The following FHIP2A variants were observed in gnomAD, a reference collection of about 807,000 sequenced individuals.
FHIP2A encodes the protein family with sequence similarity 160 member B1.
Under a neutral mutation model 93.5 loss-of-function variants are expected in FHIP2A, and 46 were observed. The ratio of observed to expected loss-of-function variants is 0.49; its 90% CI spans 0.39 to 0.63. FHIP2A has a LOEUF of 0.63. Among genes scored for constraint, FHIP2A ranks in the 20% least tolerant of loss-of-function variants. The pLI, the probability that FHIP2A is intolerant of heterozygous loss-of-function variation, is 0.00. For missense variants in FHIP2A, 769 were observed against 909.7 expected, an observed-to-expected ratio of 0.85 and a Z score of 1.99; for synonymous variants, 332 against 326.5, an observed-to-expected ratio of 1.02 and a Z score of -0.18.
chr10:114,890,785 A>G (rs1566390320), intron 16 of FHIP2A, among the ~76,000 whole-genome samples: 1 of 149,428 alleles, frequency 6.7e-6, no homozygotes, highest in Non-Finnish European at 1.5e-5. Flanking sequence ...TGTATATGAC[A>G]TATATTATAT....
At chr10:114,837,163 C>A (rs761268644) in intron 5 of FHIP2A, among the ~76,000 whole-genome samples, 41 of 152,174 alleles carry the variant, frequency 2.7e-4, no homozygotes, top group Non-Finnish European at 5.1e-4. Context: ...CTCGGCCTCC[C>A]AAAGTTCTGG....
chr10:114,868,612 T>C (rs1369495072), downstream of FHIP2A, among the ~76,000 whole-genome samples: 1 of 152,104 alleles, frequency 6.6e-6, no homozygotes, highest in East Asian at 1.9e-4. Flanking sequence ...CTTCTCTTGA[T>C]TGAAGAACCA....
intron 16 of FHIP2A, among the ~76,000 whole-genome samples, chr10:114,893,029 C>T (rs1230009787): frequency 1.3e-5 from 2 of 152,068 alleles, no homozygotes; most frequent in Non-Finnish European, 2.9e-5. Context: ...TTTTATATAT[C>T]TATATTTCCT....
intron 16 of FHIP2A, among the ~76,000 whole-genome samples, chr10:114,882,951 C>G (rs2083924339): frequency 6.6e-6 from 1 of 151,668 alleles, no homozygotes; most frequent in Non-Finnish European, 1.5e-5. Context: ...AGAAGGATGA[C>G]TAAGGGTTCA....
At chr10:114,832,710 A>ATTTT (rs35892795) in intron 2 of FHIP2A, among the ~76,000 whole-genome samples, 3 of 125,240 alleles carry the variant, frequency 2.4e-5, no homozygotes, top group African/African-American at 9.1e-5. Context: ...TATATTTGAG[A>ATTTT]TTTTTTTTTT....
Position 114,862,186 on chromosome 10 carries a change from CT to C in FHIP2A, c.*650del. 1 of 943,242 alleles carries C rather than the reference CT, an allele frequency of 1.1e-6. No individual in the cohort carries two copies. 58.4% of individuals were successfully genotyped at this position (943,242 alleles called of 1,614,324 possible). On this transcript the variant is annotated 3_prime_UTR_variant, in exon 17 of 17. Coordinates refer to ENST00000369248, the MANE Select transcript of FHIP2A (RefSeq NM_020940.4). ...ATATCTATATTTTTAAAGAAATGTT[CT>C]TTTACTCTTTTGTGCACATAGCCAT... is the stretch of plus-strand genomic sequence containing the variant.
At chr10:114,851,764 T>C (rs1406247328) in intron 13 of FHIP2A, among the ~76,000 whole-genome samples, 1 of 146,018 alleles carries the variant, frequency 6.8e-6, no homozygotes, top group Non-Finnish European at 1.5e-5. Context: ...AAGGCTTACA[T>C]TGAATTTGTA....
chr10:114,884,326 T>C (rs1404419341), intron 16 of FHIP2A, among the ~76,000 whole-genome samples: 1 of 152,238 alleles, frequency 6.6e-6, no homozygotes, highest in Non-Finnish European at 1.5e-5. Context: ...GACTTGTTTC[T>C]ATAACGTTAT....
chr10:114,855,744 A>G (rs1257397127), intron 14 of FHIP2A, among the ~76,000 whole-genome samples: 2 of 152,240 alleles, frequency 1.3e-5, no homozygotes, highest in Non-Finnish European at 2.9e-5. Context: ...CAGTAAAATC[A>G]CAGAATAGTG....
In FHIP2A at chr10:114,822,047, C is replaced by A; in HGVS notation, c.-32C>A. Reference sequence around the variant, plus strand: ...CGGATCGAGGAGCTCTCCAGGTCGTCCCGGGAGAGGCTGCTGCAGTCCCGG... The same window carrying A: ...CGGATCGAGGAGCTCTCCAGGTCGTACCGGGAGAGGCTGCTGCAGTCCCGG... On this transcript the variant is annotated 5_prime_UTR_variant, in exon 1 of 17. Transcript: ENST00000369248. The A allele has an allele frequency of 7.9e-7, 1 of 1,271,666 alleles. No homozygotes were observed. The highest frequency in any genetic ancestry group is 1.0e-6 in the Non-Finnish European group (1 of 986,356). The allele number at this position is 1,271,666 out of a possible 1,614,324, so 78.8% of individuals were successfully genotyped here.
At chr10:114,880,258 G>A (rs2083910346) in intron 16 of FHIP2A, among the ~76,000 whole-genome samples, 1 of 152,182 alleles carries the variant, frequency 6.6e-6, no homozygotes, top group Admixed American at 6.5e-5. Flanking sequence ...TTCTTTTGGC[G>A]ATAATGAAAA....
intron 16 of FHIP2A, among the ~76,000 whole-genome samples, chr10:114,896,029 G>A (rs2083999629): frequency 1.3e-5 from 2 of 152,236 alleles, no homozygotes; most frequent in South Asian, 4.2e-4. Context: ...GCCATTTGGG[G>A]TGACTTGTGC....
chr10:114,848,399 AAAT>A (rs1298003454), intron 12 of FHIP2A, among the ~76,000 whole-genome samples: 1 of 152,190 alleles, frequency 6.6e-6, no homozygotes, highest in African/African-American at 2.4e-5. Context: ...AAAACCTTTA[AAAT>A]AATGAGAATA....
At chr10:114,871,838 C>G (rs912151092) in intron 16 of FHIP2A, among the ~76,000 whole-genome samples, 22 of 152,266 alleles carry the variant, frequency 1.4e-4, no homozygotes, top group African/African-American at 5.3e-4. Context: ...TCCTATCTCC[C>G]TAAATCTATG....
intron 14 of FHIP2A, among the ~76,000 whole-genome samples, chr10:114,855,945 T>C (rs2083764030): frequency 6.6e-6 from 1 of 152,182 alleles, no homozygotes; most frequent in African/African-American, 2.4e-5. Flanking sequence ...CCTCCTTCCA[T>C]CTCTCATTGG....
At chr10:114,890,580 A>T (rs889093770) in intron 16 of FHIP2A, among the ~76,000 whole-genome samples, 2 of 148,090 alleles carry the variant, frequency 1.4e-5, no homozygotes, top group African/African-American at 2.5e-5. Context: ...TATAGTATAT[A>T]AAATATACGC....
downstream of FHIP2A, among the ~76,000 whole-genome samples, chr10:114,869,285 G>GA (rs1316610876): frequency 6.6e-6 from 1 of 152,152 alleles, no homozygotes; most frequent in African/African-American, 2.4e-5. Flanking sequence ...TTCTAGGGGA[G>GA]AAACAAATTA....
intron 2 of FHIP2A, among the ~76,000 whole-genome samples, chr10:114,832,181 C>T (rs1331366719): frequency 6.6e-6 from 1 of 152,090 alleles, no homozygotes; most frequent in African/African-American, 2.4e-5. Flanking sequence ...GTTGATAAAA[C>T]CATGGGATGT....
intron 16 of FHIP2A, among the ~76,000 whole-genome samples, chr10:114,898,764 G>GCACATTTT (rs2084012884): frequency 1.3e-5 from 2 of 152,156 alleles, no homozygotes. Flanking sequence ...GTATTTCACA[G>GCACATTTT]GGTTATTATG....
Sources: allele counts gnomAD v4.1 joint callset (sites outside exome capture counted in the v4.1 genomes callset), GRCh38; gene constraint gnomAD v4.1.1; transcripts MANE v1.5; gene names NCBI Gene and HGNC (gene_info 2026-07-23, HGNC 2026-07-21).